Variants in SVEP1 observed in about 807,000 individuals in gnomAD.
SVEP1 encodes sushi, von Willebrand factor type A, EGF and pentraxin domain containing 1, also known as sushi, von Willebrand factor type A, EGF and pentraxin domain-containing protein 1.
A neutral mutation model predicts 367.3 loss-of-function variants in SVEP1; 164 were observed. That is an observed-to-expected ratio of 0.45 (90% CI 0.39 to 0.51). The LOEUF (loss-of-function observed/expected upper bound fraction) is 0.51. SVEP1 is among the 20% of genes least tolerant of loss of function. The pLI is 0.00. For missense variants in SVEP1, 4,117 were observed against 4,425.3 expected (o/e 0.93, Z 1.98); for synonymous variants, 1,666 against 1,611.6 (o/e 1.03, Z -0.81).
chr9:110,521,924 T>G (rs1186233274), intron 3 of SVEP1, among the ~76,000 whole-genome samples: 2 of 152,346 alleles, frequency 1.3e-5, no homozygotes, highest in East Asian at 3.9e-4. Context: ...TTGATTCTAA[T>G]TTTTTACAAA....
At position 110,392,133 on chromosome 9, in the gene SVEP1, T is replaced by TTTTATATATATATATATATATATATATA. The variant is rs1554710906; in HGVS notation, c.9823-2547_9823-2546insTATATATATATATATATATATATATAAA. 1.4e-3 allele frequency among the ~76,000 whole-genome samples: 142 copies of TTTTATATATATATATATATATATATATA among 99,568 alleles called. 8 individuals carry two copies. The highest frequency in any genetic ancestry group is 8.2e-3 in the East Asian group (26 of 3,180). 65.3% of individuals were successfully genotyped at this position (99,568 alleles called of 152,430 possible). A position where few individuals can be genotyped will look rare whatever the true frequency, so the allele number is the denominator to read the frequency against. On this transcript the variant is annotated intron_variant, in intron 40 of 47. Transcript: ENST00000374469. ...CATTAACTTGTGACCCAATTCCTCA[T>TTTTATATATATATATATATATATATATA]TATATATATATATATATATATCTCT...
Position 110,489,713 on chromosome 9 carries a change from C to A in SVEP1, c.1867G>T (p.Val623Leu), listed in dbSNP as rs749945404. ...CCGGATAGGTCAGTTGCCGTGTATA[C>A]GATAGCAACATCTCCAATTGGGAAA... ...YLFPIGDVAI[V>L]YTATDLSGNQ... Residue 623 changes from valine to leucine, a missense_variant, in exon 9 of 48, where the codon GTA becomes TTA. By Grantham distance (32) the Val-to-Leu change is conservative. Transcript: ENST00000374469. 1 of 1,613,438 alleles carries A rather than the reference C, an allele frequency of 6.2e-7. No individual in the cohort carries two copies. The highest frequency in any genetic ancestry group is 1.7e-5 in the Admixed American group (1 of 59,968).
Position 110,513,157 on chromosome 9 carries a change from A to G in SVEP1, c.1124-52T>C, listed in dbSNP as rs188508257. On this transcript the variant is annotated intron_variant, in intron 4 of 47. Coordinates refer to ENST00000374469, the MANE Select transcript of SVEP1 (RefSeq NM_153366.4). Reference sequence around the variant, plus strand: ...AAGCAAAGTTAGCCTTTTGTCTATGACATATCCTTTTTTTTTTTTCTTTCA... The same window carrying G: ...AAGCAAAGTTAGCCTTTTGTCTATGGCATATCCTTTTTTTTTTTTCTTTCA... The G allele has an allele frequency of 4.0e-6, 6 of 1,506,354 alleles. 1 individual carries two copies. The South Asian group carries it at 5.4e-5, about 13-fold the overall frequency. The allele number at this position is 1,506,354 out of a possible 1,614,324, so 93.3% of individuals were successfully genotyped here.
chr9:110,578,987 C>G (rs1181758079), intron 1 of SVEP1, 26 bp downstream of exon 1: 30 of 1,543,932 alleles, frequency 1.9e-5, no homozygotes, highest in Non-Finnish European at 2.5e-5. Context: ...GACTAGGGCC[C>G]GGGTCGGGAG....
rs955707078 is a variant in SVEP1 at position 110,382,701 on chromosome 9, G to A, written c.10238-3184C>T. 7.9e-5 allele frequency among the ~76,000 whole-genome samples: 12 copies of A among 152,150 alleles called. No individual in the cohort carries two copies. In the East Asian group the frequency reaches 1.5e-3, roughly 20 times the overall value. On this transcript the variant is annotated intron_variant, in intron 43 of 47. Transcript: ENST00000374469. ...TATACTCATCTCTTTCAGGTACCCC[G>A]ATCAATCATAGGTTCGGTCTTTTTA...
rs1468278719 is a variant in SVEP1, at chr9:110,479,636, AT to A, written c.2485del (p.Met829TrpfsTer20). 6.2e-7 allele frequency: 1 copy of A among 1,603,456 alleles called. No homozygotes were observed. On this transcript the variant is annotated frameshift_variant and splice_region_variant, in exon 13 of 48. Coordinates refer to ENST00000374469, the MANE Select transcript of SVEP1 (RefSeq NM_153366.4). LOFTEE classifies it high-confidence loss of function. ...AATAAATGACCACTATTGATGTACC[AT>A]TTTTCCCAGGGTCGTCTCAAATGCT... ...SEAFETTLGK[M>X]VPSFCSDAED...
At chr9:110,390,334 C>CTTATATAAGTATGTGTATATAT (rs1564127558) in intron 40 of SVEP1, among the ~76,000 whole-genome samples, 3 of 27,532 alleles carry the variant, frequency 1.1e-4, no homozygotes, top group Non-Finnish European at 1.8e-4. Context: ...CTTATATATA[C>CTTATATAAGTATGTGTATATAT]ACATACTTAT....
At chr9:110,530,158 T>C (rs1376232832) in intron 3 of SVEP1, among the ~76,000 whole-genome samples, 1 of 152,186 alleles carries the variant, frequency 6.6e-6, no homozygotes, top group Non-Finnish European at 1.5e-5. Flanking sequence ...TGAATCATAT[T>C]TATTGAATTA....
intron 39 of SVEP1, 80 bp from the exon 40 acceptor site, chr9:110,401,089 T>C: frequency 6.5e-7 from 1 of 1,538,950 alleles, no homozygotes; most frequent in Non-Finnish European, 8.8e-7. Flanking sequence ...TATTGGTTAT[T>C]TGCAGAATAA....
intron 3 of SVEP1, among the ~76,000 whole-genome samples, chr9:110,542,910 C>T (rs1009408739): frequency 2.0e-5 from 3 of 150,168 alleles, no homozygotes; most frequent in South Asian, 2.1e-4. Context: ...CACATGTATA[C>T]GTATGTAACA....
At chr9:110,569,132 C>T (rs2118880679) in intron 1 of SVEP1, among the ~76,000 whole-genome samples, 1 of 151,410 alleles carries the variant, frequency 6.6e-6, no homozygotes, top group African/African-American at 2.4e-5. Flanking sequence ...AATTAGAAAA[C>T]AAACAAACAT....
rs1056892038 is a variant in SVEP1 at position 110,489,904 on chromosome 9, A to G, written c.1801-125T>C. The G allele has an allele frequency of 1.9e-5, 23 of 1,193,178 alleles. No individual in the cohort carries two copies. The South Asian group carries it at 2.2e-4, about 12-fold the overall frequency. The allele number at this position is 1,193,178 out of a possible 1,614,324, so 73.9% of individuals were successfully genotyped here. On this transcript the variant is annotated intron_variant, in intron 8 of 47. Transcript: ENST00000374469. Reference sequence around the variant, plus strand: ...TTCACAAAGAGGAAAGGAAAAAGGCACAGCTTTCTGGCATATTTCTTTCCA... The same window carrying G: ...TTCACAAAGAGGAAAGGAAAAAGGCGCAGCTTTCTGGCATATTTCTTTCCA...
In SVEP1 at chr9:110,451,386, T is replaced by G. The variant is rs867201292; in HGVS notation, c.3804A>C (p.Glu1268Asp). 5 of 1,613,280 alleles carry G rather than the reference T, an allele frequency of 3.1e-6. No homozygotes were observed. The African/African-American group carries it at 5.3e-5, about 17-fold the overall frequency. Residue 1268 changes from glutamate (E) to aspartate (D), a missense_variant, in exon 23 of 48, where the codon GAA becomes GAC. By Grantham distance (45) the Glu-to-Asp change is conservative (BLOSUM62 2). Transcript: ENST00000374469. ...GACTGGAGCTACACTCATTTATATT[T>G]TCTTCACACCGCTGACCTGCAAAGA... Reference protein sequence around the residue: ...PSGYTGQRCEENINECSSSPC... With the variant: ...PSGYTGQRCEDNINECSSSPC...
intron 5 of SVEP1, among the ~76,000 whole-genome samples, chr9:110,503,544 C>A (rs951634944): frequency 3.9e-5 from 6 of 152,306 alleles, no homozygotes; most frequent in African/African-American, 1.2e-4. Context: ...CTGATGCTCT[C>A]AGCTGGGCCT....
chr9:110,416,687 C>G (rs1175181549), intron 36 of SVEP1, among the ~76,000 whole-genome samples: 1 of 151,904 alleles, frequency 6.6e-6, no homozygotes, highest in Non-Finnish European at 1.5e-5. Context: ...AGATGAATGA[C>G]AATAAATACA....
intron 8 of SVEP1, among the ~76,000 whole-genome samples, chr9:110,492,087 G>T (rs188844513): frequency 0.029 from 4,349 of 152,168 alleles, 194 homozygotes; most frequent in African/African-American, 0.099. Context: ...AGATGTTCTT[G>T]TACATGCAAA....
intron 41 of SVEP1, among the ~76,000 whole-genome samples, chr9:110,388,107 A>C (rs959337407): frequency 6.6e-6 from 1 of 152,166 alleles, no homozygotes; most frequent in Non-Finnish European, 1.5e-5. Context: ...TACTGCTTGT[A>C]AGAAGAGATA....
Position 110,434,498 on chromosome 9 carries a change from G to C in SVEP1, c.4897C>G (p.Arg1633Gly). ...AGATGAGGCACTGACCCTCCTAAGC[G>C]TGGGCAATCTGAGGGCAAAGAACAC... ...SKSIFCSDCP[R>G]LGGSVPHLRT... is the part of the protein sequence containing the mutation. Residue 1633 changes from arginine to glycine, a missense_variant, in exon 30 of 48, where the codon CGC (arginine) becomes GGC (glycine). By Grantham distance (125) the Arg-to-Gly change is moderately radical. Around this residue, in one of 4 missense-constraint regions of SVEP1, gnomAD observed 2,174 missense variants for 2,494.3 expected, o/e 0.87. Transcript: ENST00000374469. 6.2e-7 allele frequency: 1 copy of C among 1,612,778 alleles called. No individual in the cohort carries two copies. Among genetic ancestry groups the C allele is most frequent in the Admixed American group, 1.7e-5 (1 of 59,904 alleles).
chr9:110,463,676 G>A (rs929632456), intron 18 of SVEP1, among the ~76,000 whole-genome samples: 2 of 151,040 alleles, frequency 1.3e-5, no homozygotes, highest in East Asian at 1.9e-4. Context: ...AAAGGCAGGC[G>A]AAAGAAAGGC....
Sources: allele counts gnomAD v4.1 joint callset (sites outside exome capture counted in the v4.1 genomes callset), GRCh38; gene constraint gnomAD v4.1.1; regional missense constraint gnomAD v4.1.1; transcripts MANE v1.5; gene names NCBI Gene and HGNC (gene_info 2026-07-23, HGNC 2026-07-21).